RGS7: variants seen among roughly 807,000 people sequenced by gnomAD.
The protein encoded by RGS7 is regulator of G protein signaling 7, also known as regulator of G-protein signaling 7.
Under a neutral mutation model 81.1 loss-of-function variants are expected in RGS7, and 27 were observed. The ratio of observed to expected loss-of-function variants is 0.33; its 90% confidence interval spans 0.25 to 0.46. The LOEUF is 0.46. Ranked by LOEUF, RGS7 falls within the 20% of genes least tolerant of loss-of-function variation. The pLI is 1.00. For synonymous variants in RGS7, 208 were observed against 207.7 expected (o/e 1.00, Z -0.01); for missense variants, 396 against 607.4 (o/e 0.65, Z 3.66).
At chr1:241,087,842 G>A (rs1008467369) in intron 3 of RGS7, among the ~76,000 whole-genome samples, 2 of 151,546 alleles carry the variant, frequency 1.3e-5, no homozygotes, top group Non-Finnish European at 1.5e-5. Context: ...CCAGCTACTC[G>A]GGAGGCTGAG....
intron 2 of RGS7, among the ~76,000 whole-genome samples, chr1:241,270,391 G>A (rs931205795): frequency 6.6e-6 from 1 of 152,196 alleles, no homozygotes; most frequent in Admixed American, 6.5e-5. Flanking sequence ...TTGGGATGCA[G>A]AAATACTCTC....
chr1:241,102,302 T>A (rs1409303308), intron 2 of RGS7, among the ~76,000 whole-genome samples: 1 of 151,978 alleles, frequency 6.6e-6, no homozygotes, highest in African/African-American at 2.4e-5. Flanking sequence ...ATTCTAGCCC[T>A]CAAATGACTG....
chr1:240,837,039 A>C (rs955350796), intron 9 of RGS7, among the ~76,000 whole-genome samples: 3 of 152,222 alleles, frequency 2.0e-5, no homozygotes, highest in African/African-American at 7.2e-5. Context: ...AGAGCAACCA[A>C]GAGGACTCTA....
chr1:241,132,139 C>T (rs959397152), intron 2 of RGS7: 1 of 153,112 alleles, frequency 6.5e-6, no homozygotes, highest in African/African-American at 2.4e-5. Context: ...ACAATTTAAT[C>T]CTCTTTGAAA....
rs541941812 is a variant in RGS7, at chr1:241,248,414, A to ATG, written c.78+107284_78+107285insCA. ...TACATACATATGTATATATATATAC[A>ATG]TATATATATAATCAAATAATCTCTG... On this transcript the variant is annotated intron_variant, in intron 2 of 18. Coordinates refer to ENST00000440928, the MANE Select transcript of RGS7 (RefSeq NM_001364886.1). Among the ~76,000 whole-genome samples, 333 of 147,386 alleles carry ATG rather than the reference A, an allele frequency of 2.3e-3. 4 individuals carry two copies. The highest frequency in any genetic ancestry group is 8.0e-3 in the African/African-American group (320 of 40,076).
intron 2 of RGS7, among the ~76,000 whole-genome samples, chr1:241,210,017 C>G (rs568004141): frequency 2.9e-4 from 44 of 152,096 alleles, no homozygotes; most frequent in Admixed American, 1.8e-3. Context: ...TTAATGTGAT[C>G]TTAGAGAATA....
chr1:241,333,889 C>T (rs553057555), intron 2 of RGS7, among the ~76,000 whole-genome samples: 5 of 151,788 alleles, frequency 3.3e-5, no homozygotes, highest in South Asian at 2.1e-4. Context: ...TTTGTATTTC[C>T]GTATGTTAAT....
chr1:241,245,269 G>C (rs969905150), intron 2 of RGS7, among the ~76,000 whole-genome samples: 1 of 151,896 alleles, frequency 6.6e-6, no homozygotes, highest in Non-Finnish European at 1.5e-5. Flanking sequence ...TTATGGTTTC[G>C]CACTATCCCC....
At chr1:240,809,535 T>C (rs544425872) in intron 14 of RGS7, among the ~76,000 whole-genome samples, 2 of 152,298 alleles carry the variant, frequency 1.3e-5, no homozygotes, top group African/African-American at 4.8e-5. Context: ...TACTGGTTTG[T>C]AGGAAACCAA....
chr1:240,811,619 C>A (rs1187143414), intron 14 of RGS7, among the ~76,000 whole-genome samples: 1 of 152,188 alleles, frequency 6.6e-6, no homozygotes, highest in African/African-American at 2.4e-5. Flanking sequence ...CTCCACTTTG[C>A]CAAACATTGT....
At chr1:241,226,429 A>G (rs2075313199) in intron 2 of RGS7, among the ~76,000 whole-genome samples, 1 of 152,186 alleles carries the variant, frequency 6.6e-6, no homozygotes, top group Non-Finnish European at 1.5e-5. Context: ...GGATAGAGTG[A>G]TATCTCTATC....
At chr1:240,932,964 A>G (rs1303383474) in intron 5 of RGS7, among the ~76,000 whole-genome samples, 5 of 135,156 alleles carry the variant, frequency 3.7e-5, no homozygotes, top group Non-Finnish European at 6.2e-5. Flanking sequence ...GCTCACTGCA[A>G]GCTCCGCCTC....
At chr1:240,901,095 G>T (rs547581420) in intron 6 of RGS7, among the ~76,000 whole-genome samples, 25 of 152,338 alleles carry the variant, frequency 1.6e-4, no homozygotes, top group African/African-American at 3.4e-4. Context: ...CTCCGAGCCA[G>T]GCATGGGATA....
chr1:240,952,075 C>T (rs944594292), intron 4 of RGS7, among the ~76,000 whole-genome samples: 1 of 152,028 alleles, frequency 6.6e-6, no homozygotes, highest in African/African-American at 2.4e-5. Context: ...AATATTTTCT[C>T]AGACAAACAA....
At chr1:241,128,242 A>G (rs1015862128) in intron 2 of RGS7, among the ~76,000 whole-genome samples, 1 of 148,608 alleles carries the variant, frequency 6.7e-6, no homozygotes, top group South Asian at 2.1e-4. Flanking sequence ...GCGCCACTGC[A>G]CTCCAGCCTG....
intron 2 of RGS7, among the ~76,000 whole-genome samples, chr1:241,299,156 T>C (rs1250740890): frequency 2.0e-5 from 3 of 152,146 alleles, no homozygotes; most frequent in Non-Finnish European, 2.9e-5. Context: ...AAAGAAATAA[T>C]ACATATTTAA....
chr1:241,002,354 G>A (rs535468101), intron 3 of RGS7, among the ~76,000 whole-genome samples: 17 of 151,980 alleles, frequency 1.1e-4, no homozygotes, highest in Non-Finnish European at 2.2e-4. Context: ...TTGGGAGGCT[G>A]AGGCATGGGA....
At chr1:241,025,134 T>C (rs1421518073) in intron 3 of RGS7, among the ~76,000 whole-genome samples, 2 of 152,140 alleles carry the variant, frequency 1.3e-5, no homozygotes, top group African/African-American at 2.4e-5. Context: ...AGGCAAAGTA[T>C]TTTAGGTTAT....
At chr1:241,286,120 C>A (rs183849260) in intron 2 of RGS7, among the ~76,000 whole-genome samples, 2 of 152,290 alleles carry the variant, frequency 1.3e-5, no homozygotes, top group Admixed American at 1.3e-4. Context: ...TTCTTTAAGT[C>A]TCTTCCATTC....
Sources: gnomAD v4.1 joint callset for allele counts (sites outside exome capture counted in the v4.1 genomes callset) on GRCh38, gnomAD v4.1.1 for gene constraint, MANE v1.5 for transcripts, NCBI Gene and HGNC (gene_info 2026-07-23, HGNC 2026-07-21) for gene names.